The following SEPTIN9 variants were observed in gnomAD, a reference collection of about 807,000 sequenced individuals.
SEPTIN9 encodes the protein septin 9.
A neutral mutation model predicts 56.6 loss-of-function variants in SEPTIN9; 13 were observed. The ratio of observed to expected loss-of-function variants is 0.23; its 90% CI spans 0.15 to 0.37. The LOEUF is 0.37. SEPTIN9 is among the 10% of genes least tolerant of loss of function. SEPTIN9 has a pLI of 1.00. For synonymous variants in SEPTIN9, 332 were observed against 334.1 expected, an observed-to-expected ratio of 0.99 and a Z score of 0.07; for missense variants, 650 against 823.1, an observed-to-expected ratio of 0.79 and a Z score of 2.57.
In SEPTIN9 at chr17:77,492,599, T is replaced by C; in HGVS notation, c.1381-22T>C. The C allele has an allele frequency of 6.2e-7, 1 of 1,608,962 alleles. No homozygotes were observed. The highest frequency in any genetic ancestry group is 1.1e-5 in the South Asian group (1 of 90,990). On this transcript the variant is annotated intron_variant, in intron 8 of 11. Transcript: ENST00000427177. This position sits in a 1 kb window ranked among gnomAD's most constrained non-coding sequence, Gnocchi z 5.4. ...AGAGCTTGCCACAGGGATGGGCCCA[T>C]CTCTCTCCCTCCTTATCCCAGATCA...
At chr17:77,290,321 G>A (rs1407450985) in intron 1 of SEPTIN9, among the ~76,000 whole-genome samples, 21 of 150,420 alleles carry the variant, frequency 1.4e-4, no homozygotes, top group Admixed American at 1.3e-3. Flanking sequence ...GCAGTGGCGC[G>A]ATCTCCGCTC....
rs965140090 is a variant in SEPTIN9 at position 77,319,163 on chromosome 17, G to A, written c.76+11966G>A. 1.3e-5 allele frequency among the ~76,000 whole-genome samples: 2 copies of A among 152,180 alleles called. No individual in the cohort carries two copies. The highest frequency in any genetic ancestry group is 2.9e-5 in the Non-Finnish European group (2 of 68,030). On this transcript the variant is annotated intron_variant, in intron 2 of 11. Transcript: ENST00000427177. The surrounding 1 kb of genome is among the most constrained non-coding windows in gnomAD (Gnocchi z 5.3). ...CCAACAGAACCAGCCTCCGTGTCTC[G>A]GGTTTGAATGAACCCTTGAGGTGAA...
At chr17:77,293,146 A>T (rs1053576585) in intron 1 of SEPTIN9, among the ~76,000 whole-genome samples, 1 of 151,910 alleles carries the variant, frequency 6.6e-6, no homozygotes, top group Non-Finnish European at 1.5e-5. Flanking sequence ...CCTCCCAAGT[A>T]GCTCGGACTA....
intron 1 of SEPTIN9, among the ~76,000 whole-genome samples, chr17:77,303,377 C>T (rs1027839661): frequency 2.7e-5 from 4 of 150,864 alleles, no homozygotes; most frequent in South Asian, 2.1e-4. Flanking sequence ...GGATTACAGG[C>T]GTGAGTCACC....
chr17:77,455,456 G>GGTCACTGAACA (rs2038157827), intron 3 of SEPTIN9, among the ~76,000 whole-genome samples: 3 of 152,218 alleles, frequency 2.0e-5, no homozygotes, highest in African/African-American at 7.2e-5. Flanking sequence ...GTCACTGAAT[G>GGTCACTGAACA]GTCACTGAAC....
Position 77,347,998 on chromosome 17 carries a change from T to G in SEPTIN9, c.76+40801T>G, listed in dbSNP as rs148113726. Among the ~76,000 whole-genome samples the G allele has an allele frequency of 3.1e-4, 47 of 152,310 alleles. 1 individual carries two copies. The East Asian group carries it at 7.9e-3, about 26-fold the overall frequency. ...TATGATGGGTTTGTCAAGACATAAC[T>G]CCATCATCATTCAAGCAGCATCAGT... On this transcript the variant is annotated intron_variant, in intron 2 of 11. Transcript: ENST00000427177.
chr17:77,304,162 G>A (rs901724795), intron 1 of SEPTIN9, among the ~76,000 whole-genome samples: 5 of 152,196 alleles, frequency 3.3e-5, no homozygotes, highest in African/African-American at 4.8e-5. Flanking sequence ...GGAGCCGCTC[G>A]TGGCCAGAGG....
In SEPTIN9 at chr17:77,371,602, G is replaced by C. The variant is rs571770854; in HGVS notation, c.77-30457G>C. ...GGACCCCCAAATCCCCAAATACGGC[G>C]TGGACAGGTGGCCCAGTAGGGGCTG... On this transcript the variant is annotated intron_variant, in intron 2 of 11. Transcript: ENST00000427177. This position sits in a 1 kb window ranked among gnomAD's most constrained non-coding sequence, Gnocchi z 4.1. 6.6e-6 allele frequency among the ~76,000 whole-genome samples: 1 copy of C among 152,184 alleles called. No homozygotes were observed. The highest frequency in any genetic ancestry group is 2.4e-5 in the African/African-American group (1 of 41,434).
chr17:77,293,231 C>A (rs1182414199), intron 1 of SEPTIN9, among the ~76,000 whole-genome samples: 1 of 152,048 alleles, frequency 6.6e-6, no homozygotes, highest in Non-Finnish European at 1.5e-5. Flanking sequence ...GTTGCCCAGG[C>A]TGGTCCTGAA....
At chr17:77,426,132 C>CA (rs2036900737) in intron 3 of SEPTIN9, among the ~76,000 whole-genome samples, 1 of 152,130 alleles carries the variant, frequency 6.6e-6, no homozygotes, top group South Asian at 2.1e-4. Flanking sequence ...CCCCGCCCCC[C>CA]ACCTCTGGTT....
In SEPTIN9 at chr17:77,492,986, A is replaced by T; in HGVS notation, c.1483A>T (p.Ile495Phe). 1 of 1,565,304 alleles carries T rather than the reference A, an allele frequency of 6.4e-7. No individual in the cohort carries two copies. Among genetic ancestry groups the T allele is most frequent in the Admixed American group, 1.9e-5 (1 of 52,578 alleles). ...RLVNEKFREMIPFAVVGSDHE... is the reference protein window; with the variant it reads ...RLVNEKFREMFPFAVVGSDHE... ...CCGTCTGCCCGTTCCCCAGGAGATGATCCCATTTGCTGTGGTGGGCAGTGA... is the reference window on the plus strand; with the variant it reads ...CCGTCTGCCCGTTCCCCAGGAGATGTTCCCATTTGCTGTGGTGGGCAGTGA... The change falls in exon 10 of 12, where the codon ATC becomes TTC. Residue 495 changes from isoleucine (I) to phenylalanine (F), a missense_variant. Transcript: ENST00000427177. This position sits in a 1 kb window ranked among gnomAD's most constrained non-coding sequence, Gnocchi z 5.4.
At chr17:77,495,731 A>G (rs985721193) in intron 10 of SEPTIN9, among the ~76,000 whole-genome samples, 8 of 152,160 alleles carry the variant, frequency 5.3e-5, no homozygotes, top group Admixed American at 1.3e-4. Flanking sequence ...AGGAGGTTCT[A>G]GTGTGGACAC....
At chr17:77,452,569 G>C (rs1483607393) in intron 3 of SEPTIN9, among the ~76,000 whole-genome samples, 5 of 152,172 alleles carry the variant, frequency 3.3e-5, no homozygotes, top group African/African-American at 1.2e-4. Context: ...CCCGGAAGCA[G>C]GTTGAGCAGT....
intron 4 of SEPTIN9, among the ~76,000 whole-genome samples, chr17:77,485,513 T>C (rs2039739256): frequency 6.6e-6 from 1 of 151,402 alleles, no homozygotes; most frequent in African/African-American, 2.4e-5. Flanking sequence ...ATGGTGCTGA[T>C]GGGGATGGTG....
rs200317200 is a variant in SEPTIN9, at chr17:77,406,675, G to T, written c.721+3972G>T. ...TTGTTTTTTTTTGTGTTTTTTTTTT[G>T]TTTTTTGTTTTTTGAGATGGAGTCT... On this transcript the variant is annotated intron_variant, in intron 3 of 11. Coordinates refer to ENST00000427177, the MANE Select transcript of SEPTIN9 (RefSeq NM_001113491.2). 1.8e-4 allele frequency among the ~76,000 whole-genome samples: 27 copies of T among 148,026 alleles called. No homozygotes were observed. In the East Asian group the frequency reaches 2.6e-3, roughly 14 times the overall value.
intron 2 of SEPTIN9, among the ~76,000 whole-genome samples, chr17:77,391,168 C>T (rs535423999): frequency 9.9e-5 from 15 of 152,156 alleles, no homozygotes; most frequent in South Asian, 2.1e-4. Flanking sequence ...TTTTCAGAAC[C>T]GGTGACTCAG....
chr17:77,306,437 C>G (rs2032268560), intron 1 of SEPTIN9, among the ~76,000 whole-genome samples: 1 of 152,226 alleles, frequency 6.6e-6, no homozygotes, highest in Non-Finnish European at 1.5e-5. Flanking sequence ...AGCACCTCAG[C>G]AAATCTCCTC....
chr17:77,434,178 C>G lies in SEPTIN9; in HGVS notation c.721+31475C>G, dbSNP rs192311610. Among the ~76,000 whole-genome samples the G allele has an allele frequency of 1.3e-3, 204 of 152,302 alleles. No individual in the cohort carries two copies. The highest frequency in any genetic ancestry group is 2.4e-3 in the African/African-American group (101 of 41,570). On this transcript the variant is annotated intron_variant, in intron 3 of 11. Transcript: ENST00000427177. This position sits in a 1 kb window ranked among gnomAD's most constrained non-coding sequence, Gnocchi z 5.0. ...CCCCTTCCCCTTTAATCTGGGCAAC[C>G]TTGCTTTGGCCTGCTGTCTGCGGAA...
At position 77,445,508 on chromosome 17, in the gene SEPTIN9, G is replaced by A. The variant is rs1410717859; in HGVS notation, c.722-36636G>A. 1 of 440,412 alleles carries A rather than the reference G, an allele frequency of 2.3e-6. No individual in the cohort carries two copies. The highest frequency in any genetic ancestry group is 1.7e-5 in the South Asian group (1 of 58,916). 27.3% of individuals were successfully genotyped at this position (440,412 alleles called of 1,614,324 possible). A position where few individuals can be genotyped will look rare whatever the true frequency, so the allele number is the denominator to read the frequency against. On this transcript the variant is annotated intron_variant, in intron 3 of 11. Transcript: ENST00000427177. The surrounding 1 kb of genome is among the most constrained non-coding windows in gnomAD (Gnocchi z 4.7). Reference sequence around the variant, plus strand: ...TGCAGGACCTGGGAACTGGGGGTTGGTGCATGTGTGCACGCACGTGTGTGT... The same window carrying A: ...TGCAGGACCTGGGAACTGGGGGTTGATGCATGTGTGCACGCACGTGTGTGT...
Sources: gnomAD v4.1 joint callset for allele counts (sites outside exome capture counted in the v4.1 genomes callset) on GRCh38, gnomAD v4.1.1 for gene constraint, Gnocchi (gnomAD v3.1) non-coding constraint, MANE v1.5 for transcripts, NCBI Gene and HGNC (gene_info 2026-07-23, HGNC 2026-07-21) for gene names.